Variants in EXOC4 observed in about 807,000 individuals in gnomAD.
EXOC4 encodes the protein SEC8-like 1.
EXOC4 carries 71 observed loss-of-function variants against 107.2 expected under a neutral mutation model. That is an observed-to-expected ratio of 0.66 (90% CI 0.55 to 0.81). EXOC4 has a LOEUF of 0.81. EXOC4 is among the 30% of genes least tolerant of loss of function. EXOC4 has a pLI of 0.00. For missense variants in EXOC4, 1,108 were observed against 1,189.6 expected, an observed-to-expected ratio of 0.93 and a Z score of 1.01; for synonymous variants, 456 against 441.2, an observed-to-expected ratio of 1.03 and a Z score of -0.42.
intron 11 of EXOC4, among the ~76,000 whole-genome samples, chr7:133,848,822 C>A (rs538966197): frequency 6.6e-6 from 1 of 152,264 alleles, no homozygotes; most frequent in South Asian, 2.1e-4. Flanking sequence ...CAATGAGATT[C>A]GAAATTTGGG....
the EXOC4 span, among the ~76,000 whole-genome samples, chr7:134,082,740 A>G: frequency 3.9e-4 from 59 of 152,214 alleles, no homozygotes; most frequent in African/African-American, 1.4e-3. Flanking sequence ...TACCCGGCCT[A>G]CTACAACCTG....
chr7:133,961,982 G>C (rs1436858699), intron 14 of EXOC4, among the ~76,000 whole-genome samples: 1 of 152,212 alleles, frequency 6.6e-6, no homozygotes, highest in South Asian at 2.1e-4. Flanking sequence ...GGAGGAAATT[G>C]AGGCCAAGCT....
intron 14 of EXOC4, among the ~76,000 whole-genome samples, chr7:133,959,869 C>T (rs1800902165): frequency 6.6e-6 from 1 of 152,132 alleles, no homozygotes; most frequent in Admixed American, 6.5e-5. Flanking sequence ...AACCACACTA[C>T]CAGTTCCATG....
chr7:133,820,375 A>G (rs568921514), intron 11 of EXOC4, among the ~76,000 whole-genome samples: 3 of 152,094 alleles, frequency 2.0e-5, no homozygotes, highest in East Asian at 3.9e-4. Flanking sequence ...TTGTTTTCTA[A>G]TAATTCCCCA....
At chr7:133,710,652 T>C in intron 10 of EXOC4, among the ~76,000 whole-genome samples, 5 of 125,768 alleles carry the variant, frequency 4.0e-5, no homozygotes, top group Admixed American at 1.7e-4. Flanking sequence ...AGAGTGAGAC[T>C]CTGTCTCAGA....
At chr7:133,757,834 T>A (rs1185150995) in intron 10 of EXOC4, among the ~76,000 whole-genome samples, 1 of 152,220 alleles carries the variant, frequency 6.6e-6, no homozygotes, top group Non-Finnish European at 1.5e-5. Flanking sequence ...TACCTTACTA[T>A]TATTATCCCT....
chr7:133,987,713 C>T (rs2116214068), intron 14 of EXOC4, among the ~76,000 whole-genome samples: 1 of 152,236 alleles, frequency 6.6e-6, no homozygotes, highest in South Asian at 2.1e-4. Context: ...CAGTGTTAAC[C>T]TTTCCTTTCG....
At chr7:134,052,975 G>T (rs554417095) in intron 17 of EXOC4, among the ~76,000 whole-genome samples, 40 of 152,226 alleles carry the variant, frequency 2.6e-4, no homozygotes, top group African/African-American at 9.2e-4. Flanking sequence ...TTTTCCCAGT[G>T]TCAGAGAATC....
chr7:133,437,279 A>T (rs1055615689), intron 7 of EXOC4, among the ~76,000 whole-genome samples: 1 of 152,052 alleles, frequency 6.6e-6, no homozygotes, highest in African/African-American at 2.4e-5. Context: ...TATCCACCAG[A>T]TGTTTAAGTA....
rs1237809491 is a variant in EXOC4 at position 134,064,495 on chromosome 7, A to G, written c.2892A>G (p.Gln964=). Residue 964 remains glutamine, a synonymous_variant, in exon 18 of 18, where the codon CAA becomes CAG. Coordinates refer to ENST00000253861, the MANE Select transcript of EXOC4 (RefSeq NM_021807.4). The part of the protein sequence containing the change: ...EIICEQAAIK[Q]ATKDKKITTV ...TCTGCGAGCAGGCTGCCATCAAGCA[A>G]GCCACCAAGGACAAGAAGATAACTA... 1 of 1,606,562 alleles carries G rather than the reference A, an allele frequency of 6.2e-7. No individual in the cohort carries two copies. Among genetic ancestry groups the G allele is most frequent in the South Asian group, 1.1e-5 (1 of 89,886 alleles).
chr7:133,671,708 T>C (rs911151013), intron 10 of EXOC4, among the ~76,000 whole-genome samples: 1 of 152,100 alleles, frequency 6.6e-6, no homozygotes. Flanking sequence ...AGGGGAGAAG[T>C]GGTCACATTC....
chr7:133,378,963 A>G (rs1174215059), intron 7 of EXOC4, among the ~76,000 whole-genome samples: 3 of 152,120 alleles, frequency 2.0e-5, no homozygotes, highest in South Asian at 4.1e-4. Context: ...AGACCCAACC[A>G]TGCTGTTTCA....
chr7:133,536,286 G>A (rs1333643127), intron 9 of EXOC4, among the ~76,000 whole-genome samples: 3 of 152,100 alleles, frequency 2.0e-5, no homozygotes, highest in Non-Finnish European at 4.4e-5. Context: ...TGTTTCTCAT[G>A]CTTTTTAATT....
In EXOC4 at chr7:133,385,762, C is replaced by G. The variant is rs77378691; in HGVS notation, c.1182+10760C>G. 2.0e-5 allele frequency among the ~76,000 whole-genome samples: 3 copies of G among 152,256 alleles called. No homozygotes were observed. In the East Asian group the frequency reaches 5.8e-4, roughly 29 times the overall value. On this transcript the variant is annotated intron_variant, in intron 7 of 17. Transcript: ENST00000253861. The stretch of plus-strand genomic sequence containing the variant: ...ATGGAAGTCGGCTTGCCCTAGCTTT[C>G]TTTTGCAATTTTTAAGTCATTGATT...
chr7:133,464,783 A>T (rs1798676777), intron 7 of EXOC4, among the ~76,000 whole-genome samples: 1 of 103,272 alleles, frequency 9.7e-6, no homozygotes, highest in South Asian at 3.6e-4. Flanking sequence ...CCAGTAGCTG[A>T]AGTTTTTTTT....
intron 7 of EXOC4, among the ~76,000 whole-genome samples, chr7:133,401,764 T>C (rs1213347935): frequency 1.3e-5 from 2 of 152,120 alleles, no homozygotes; most frequent in Admixed American, 1.3e-4. Flanking sequence ...TGCATGATTT[T>C]CCTTTTTTTT....
At chr7:133,855,082 A>AATATAT (rs1293998031) in intron 11 of EXOC4, among the ~76,000 whole-genome samples, 6 of 76,748 alleles carry the variant, frequency 7.8e-5, no homozygotes, top group Non-Finnish European at 1.4e-4. Flanking sequence ...AATATATCTA[A>AATATAT]ATATATATAA....
At chr7:133,744,712 G>C (rs1293770968) in intron 10 of EXOC4, among the ~76,000 whole-genome samples, 1 of 152,164 alleles carries the variant, frequency 6.6e-6, no homozygotes, top group African/African-American at 2.4e-5. Flanking sequence ...AATCCCTGCT[G>C]TCTGTAAAAC....
Position 133,487,354 on chromosome 7 carries a change from T to A in EXOC4, c.1417+7216T>A, listed in dbSNP as rs1799287219. On this transcript the variant is annotated intron_variant, in intron 9 of 17. Transcript: ENST00000253861. ...GCTGGTAAATGAAACGTAATGTATT[T>A]GAGTTTTAAAAGTTGAACAAATGCA... Among the ~76,000 whole-genome samples the A allele has an allele frequency of 2.0e-5, 3 of 152,232 alleles. 1 individual carries two copies. The South Asian group carries it at 6.2e-4, about 31-fold the overall frequency.
Sources: gnomAD v4.1 joint callset for allele counts (sites outside exome capture counted in the v4.1 genomes callset) on GRCh38, gnomAD v4.1.1 for gene constraint, MANE v1.5 for transcripts, NCBI Gene and HGNC (gene_info 2026-07-23, HGNC 2026-07-21) for gene names.